Variants in ANK3 observed in about 807,000 individuals in gnomAD.
ANK3 encodes ankyrin 3, also known as ankyrin-3.
A neutral mutation model predicts 370.9 loss-of-function variants in ANK3; 57 were observed. The ratio of observed to expected loss-of-function variants is 0.15; its 90% CI spans 0.12 to 0.19. The LOEUF (loss-of-function observed/expected upper bound fraction) is 0.19. Among genes scored for constraint, ANK3 ranks in the 10% least tolerant of loss-of-function variants. The pLI, the probability that ANK3 is intolerant of heterozygous loss-of-function variation, is 1.00. For synonymous variants in ANK3, 1,929 were observed against 1,946.3 expected (o/e 0.99, Z 0.23); for missense variants, 4,439 against 5,302.1 (o/e 0.84, Z 5.06).
intron 1 of ANK3, among the ~76,000 whole-genome samples, chr10:60,679,668 C>A (rs918125493): frequency 6.6e-6 from 1 of 152,160 alleles, no homozygotes; most frequent in African/African-American, 2.4e-5. Flanking sequence ...AAGAAAGAAT[C>A]AGGGGAGAAG....
intron 2 of ANK3, among the ~76,000 whole-genome samples, chr10:60,454,091 A>G (rs541311342): frequency 1.3e-5 from 2 of 152,264 alleles, no homozygotes; most frequent in East Asian, 3.9e-4. Flanking sequence ...TTCCCTTTTG[A>G]AAGTGTAGAT....
rs547189220 is a variant in ANK3, at chr10:60,223,942, C to CT, written c.898-10433dup. On this transcript the variant is annotated intron_variant, in intron 8 of 43. Transcript: ENST00000280772. The stretch of plus-strand genomic sequence containing the variant: ...TCATTTCCCTAAAATTAGAGCCACG[C>CT]TTTTTTTTTTTTGAAGCGGAATAAG... Among the ~76,000 whole-genome samples the CT allele has an allele frequency of 3.9e-3, 559 of 145,178 alleles. 6 individuals are homozygous for CT. The highest frequency in any genetic ancestry group is 0.032 in the South Asian group (145 of 4,568).
At chr10:60,443,657 A>G (rs1217217742) in intron 2 of ANK3, among the ~76,000 whole-genome samples, 1 of 152,206 alleles carries the variant, frequency 6.6e-6, no homozygotes, top group Non-Finnish European at 1.5e-5. Flanking sequence ...ATGACTAAAA[A>G]TAAAAGCCTT....
intron 28 of ANK3, among the ~76,000 whole-genome samples, chr10:60,104,178 A>G (rs975313056): frequency 7.9e-5 from 12 of 151,768 alleles, no homozygotes; most frequent in African/African-American, 2.9e-4. Flanking sequence ...AAACACCTGC[A>G]ATACAAGTTT....
intron 24 of ANK3, among the ~76,000 whole-genome samples, chr10:60,137,180 C>G (rs1402548835): frequency 6.6e-6 from 1 of 151,524 alleles, no homozygotes; most frequent in Non-Finnish European, 1.5e-5. Context: ...TTCTTAAAAT[C>G]AGAAAATTTT....
chr10:60,200,272 G>T (rs770463554), intron 12 of ANK3, 45 bp from the exon 13 acceptor site: 2 of 1,456,160 alleles, frequency 1.4e-6, no homozygotes, highest in South Asian at 2.3e-5. Flanking sequence ...CTCTGAAGAA[G>T]AGTAGTGTAT....
chr10:60,459,484 AC>A (rs2064831192), intron 2 of ANK3, among the ~76,000 whole-genome samples: 1 of 152,056 alleles, frequency 6.6e-6, no homozygotes, highest in Non-Finnish European at 1.5e-5. Context: ...TTAAATAACG[AC>A]CTCAGAGTCT....
At position 60,237,097 on chromosome 10, in the gene ANK3, T is replaced by C. The variant is rs557436488; in HGVS notation, c.799-2311A>G. 2.8e-3 allele frequency among the ~76,000 whole-genome samples: 424 copies of C among 152,354 alleles called. 7 individuals carry two copies. The highest frequency in any genetic ancestry group is 4.2e-3 in the Non-Finnish European group (287 of 68,038). ...GTATAACAGGTTACAAAAGAGGAAGTGAAACTATAGGCTGTGCCTTTGGGC... is the reference window on the plus strand; with the variant it reads ...GTATAACAGGTTACAAAAGAGGAAGCGAAACTATAGGCTGTGCCTTTGGGC... On this transcript the variant is annotated intron_variant, in intron 7 of 43. Transcript: ENST00000280772.
At chr10:60,318,128 T>C (rs1566538297) in intron 1 of ANK3, among the ~76,000 whole-genome samples, 1 of 152,200 alleles carries the variant, frequency 6.6e-6, no homozygotes, top group Non-Finnish European at 1.5e-5. Flanking sequence ...CTGGGATACA[T>C]GTGCAGGATG....
At chr10:60,671,059 T>A (rs1168830962) in intron 1 of ANK3, among the ~76,000 whole-genome samples, 1 of 152,166 alleles carries the variant, frequency 6.6e-6, no homozygotes. Context: ...TACCCTGGAT[T>A]TCCTACCACA....
chr10:60,641,942 A>G (rs1235949925), intron 1 of ANK3, among the ~76,000 whole-genome samples: 1 of 148,140 alleles, frequency 6.8e-6, no homozygotes, highest in Admixed American at 6.8e-5. Context: ...CAAGAAAAAA[A>G]CAAACAACCC....
chr10:60,293,409 G>C (rs890700919), intron 1 of ANK3, among the ~76,000 whole-genome samples: 1 of 152,126 alleles, frequency 6.6e-6, no homozygotes, highest in Non-Finnish European at 1.5e-5. Context: ...AACTTGCTTT[G>C]TATTGAACAA....
At position 60,389,826 on chromosome 10, in the gene ANK3, G is replaced by A. The variant is rs1343855656; in HGVS notation, c.-288C>T. ...TAGTGAAGAAGACAGCTGGGACAGA[G>A]GAAGCTGTATTATGGCTGTATCCCC... On this transcript the variant is annotated 5_prime_UTR_variant, in exon 1 of 44. Coordinates refer to ENST00000280772, the MANE Select transcript of ANK3 (RefSeq NM_020987.5). 2.5e-6 allele frequency: 3 copies of A among 1,184,652 alleles called. No individual in the cohort carries two copies. The African/African-American group carries it at 4.8e-5, about 19-fold the overall frequency. The allele number at this position is 1,184,652 out of a possible 1,614,324, so 73.4% of individuals were successfully genotyped here.
intron 1 of ANK3, among the ~76,000 whole-genome samples, chr10:60,680,537 T>C (rs1165470039): frequency 3.3e-5 from 5 of 152,218 alleles, no homozygotes; most frequent in Non-Finnish European, 7.3e-5. Context: ...TAAATAGGTG[T>C]TCCCAACAGG....
chr10:60,510,998 G>A (rs1032218090), intron 2 of ANK3, among the ~76,000 whole-genome samples: 15 of 152,030 alleles, frequency 9.9e-5, no homozygotes, highest in African/African-American at 3.6e-4. Context: ...AGTGATATAT[G>A]CATCTACAGA....
chr10:60,404,799 T>C (rs922527276), intron 2 of ANK3, among the ~76,000 whole-genome samples: 3 of 151,982 alleles, frequency 2.0e-5, no homozygotes, highest in Non-Finnish European at 4.4e-5. Flanking sequence ...TGGAAGAAAA[T>C]ATTTTCAAGA....
At chr10:60,501,263 A>T (rs977893104) in intron 2 of ANK3, among the ~76,000 whole-genome samples, 2 of 152,190 alleles carry the variant, frequency 1.3e-5, no homozygotes, top group African/African-American at 4.8e-5. Context: ...TCAGTGCTGA[A>T]CACTCATTCT....
chr10:60,440,067 G>A (rs10994350), intron 2 of ANK3, among the ~76,000 whole-genome samples: 76,396 of 151,936 alleles, frequency 0.5, 19,623 homozygotes, highest in South Asian at 0.6. Context: ...AGAATGCTCC[G>A]TTGCCAACTA....
At chr10:60,134,157 C>T in intron 25 of ANK3, 114 bp downstream of exon 25, 1 of 850,224 alleles carries the variant, frequency 1.2e-6, no homozygotes, top group Non-Finnish European at 1.8e-6. Context: ...AGAAGATTTA[C>T]AAATGTAAAA....
Sources: gnomAD v4.1 joint callset for allele counts (sites outside exome capture counted in the v4.1 genomes callset) on GRCh38, gnomAD v4.1.1 for gene constraint, MANE v1.5 for transcripts, NCBI Gene and HGNC (gene_info 2026-07-23, HGNC 2026-07-21) for gene names.